The following ATP13A4 variants were observed in gnomAD, a reference collection of about 807,000 sequenced individuals.
ATP13A4 encodes the protein ATPase 13A4.
Under a neutral mutation model 142.5 loss-of-function variants are expected in ATP13A4, and 114 were observed. That is an observed-to-expected ratio of 0.80 (90% CI 0.69 to 0.93). The LOEUF (loss-of-function observed/expected upper bound fraction) is 0.93, where lower values mean the gene tolerates loss of function less well. Among genes scored for constraint, ATP13A4 ranks in the 40% least tolerant of loss-of-function variants. The probability of loss-of-function intolerance (pLI) is 0.00; values close to 1 mark genes in which losing one functional copy is unlikely to be tolerated. For synonymous variants in ATP13A4, 488 were observed against 514.8 expected, an observed-to-expected ratio of 0.95 and a Z score of 0.70; for missense variants, 1,392 against 1,454.0, an observed-to-expected ratio of 0.96 and a Z score of 0.69.
In ATP13A4 at chr3:193,502,742, C is replaced by A. The variant is rs537753451; in HGVS notation, c.235-103G>T. 6.4e-6 allele frequency: 8 copies of A among 1,247,912 alleles called. No individual in the cohort carries two copies. The Admixed American group carries it at 7.0e-5, about 11-fold the overall frequency. 77.3% of individuals were successfully genotyped at this position (1,247,912 alleles called of 1,614,324 possible). A position where few individuals can be genotyped will look rare whatever the true frequency, so the allele number is the denominator to read the frequency against. On this transcript the variant is annotated intron_variant, in intron 2 of 29. Transcript: ENST00000342695. ...TTAATATAATTCTGTAAGTGTTTGG[C>A]GTTAGTGAATATTCTAGACAGAACG...
chr3:193,410,555 T>A (rs546192216), intron 28 of ATP13A4, among the ~76,000 whole-genome samples: 19 of 151,898 alleles, frequency 1.3e-4, no homozygotes, highest in Middle Eastern at 3.4e-3. Context: ...TCTACAAAAA[T>A]TTTTTTTTAA....
intron 23 of ATP13A4, among the ~76,000 whole-genome samples, chr3:193,438,125 C>A (rs1342393492): frequency 6.6e-6 from 1 of 152,062 alleles, no homozygotes; most frequent in African/African-American, 2.4e-5. Context: ...AGCCACTGCG[C>A]CCGGCCAAAG....
intron 25 of ATP13A4, among the ~76,000 whole-genome samples, chr3:193,425,552 T>C (rs976363073): frequency 2.0e-5 from 3 of 151,784 alleles, no homozygotes; most frequent in Non-Finnish European, 4.4e-5. Flanking sequence ...ATCTTGTTGA[T>C]TGCAACAACA....
intron 11 of ATP13A4, among the ~76,000 whole-genome samples, chr3:193,465,592 A>T (rs1718227434): frequency 9.0e-6 from 1 of 110,910 alleles, no homozygotes; most frequent in Non-Finnish European, 1.8e-5. Context: ...ACCAAATAGC[A>T]ATAAAAAACC....
chr3:193,517,393 TTAA>T (rs1721472817), intron 1 of ATP13A4, among the ~76,000 whole-genome samples: 2 of 152,218 alleles, frequency 1.3e-5, no homozygotes, highest in Non-Finnish European at 2.9e-5. Context: ...TGGGGTGCTA[TTAA>T]TAATAACACT....
At chr3:193,589,049 A>C (rs1724716812) in intron 1 of ATP13A4, among the ~76,000 whole-genome samples, 1 of 152,160 alleles carries the variant, frequency 6.6e-6, no homozygotes. Flanking sequence ...CTGAGGCAGG[A>C]GAATCACTTA....
chr3:193,425,967 A>T (rs1715638191), intron 25 of ATP13A4, among the ~76,000 whole-genome samples: 2 of 151,892 alleles, frequency 1.3e-5, no homozygotes, highest in Admixed American at 6.6e-5. Context: ...GTATTGAAAC[A>T]TCACATTGTA....
chr3:193,452,899 A>G (rs1052852103), intron 17 of ATP13A4, among the ~76,000 whole-genome samples: 2 of 151,832 alleles, frequency 1.3e-5, no homozygotes, highest in Non-Finnish European at 2.9e-5. Context: ...ATTCTTTTGA[A>G]TTTTGCAGAA....
At chr3:193,532,546 G>C (rs895689022) in intron 1 of ATP13A4, among the ~76,000 whole-genome samples, 1 of 151,624 alleles carries the variant, frequency 6.6e-6, no homozygotes, top group Non-Finnish European at 1.5e-5. Flanking sequence ...AGTGCTGAAA[G>C]CTGACCAGAG....
chr3:193,579,452 T>C (rs376437396), intron 2 of ATP13A4: 2 of 170,244 alleles, frequency 1.2e-5, no homozygotes, highest in East Asian at 3.2e-4. Context: ...ACCTGTGTTC[T>C]GGAAGCAAAC....
In ATP13A4 at chr3:193,480,890, A is replaced by G. The variant is rs374552518; in HGVS notation, c.808+3046T>C. 6.6e-4 allele frequency among the ~76,000 whole-genome samples: 101 copies of G among 152,326 alleles called. 1 individual carries two copies. Among genetic ancestry groups the G allele is most frequent in the African/African-American group, 2.2e-3 (93 of 41,572 alleles). ...ATGGAACAAGCCCAAATGCCCATCA[A>G]TCTATGAGTGGATAAAGAAAATGTG... On this transcript the variant is annotated intron_variant, in intron 8 of 29. Transcript: ENST00000342695.
chr3:193,449,894 C>T (rs142933480), intron 17 of ATP13A4, among the ~76,000 whole-genome samples: 51 of 152,082 alleles, frequency 3.4e-4, no homozygotes, highest in African/African-American at 1.1e-3. Context: ...CCGAGGTGGA[C>T]GGATCACCTG....
intron 12 of ATP13A4, 98 bp downstream of exon 12, chr3:193,464,842 C>A: frequency 7.6e-7 from 1 of 1,309,282 alleles, no homozygotes; most frequent in Non-Finnish European, 1.1e-6. Flanking sequence ...CAGGCACCCA[C>A]ATTCTATGTC....
intron 20 of ATP13A4, 148 bp downstream of exon 20, chr3:193,441,318 T>C: frequency 1.0e-6 from 1 of 1,000,650 alleles, no homozygotes; most frequent in Admixed American, 2.0e-5. Flanking sequence ...AATAGTATCT[T>C]CTGCAAAAAT....
At chr3:193,462,611 A>C (rs56312820) in intron 13 of ATP13A4, 151 bp downstream of exon 13, 340,850 of 725,786 alleles carry the variant, frequency 0.47, 82,059 homozygotes, top group African/African-American at 0.65. Context: ...TTGAAGAATT[A>C]AAGATGAGAA....
At chr3:193,511,732 A>G (rs527591812) in intron 2 of ATP13A4, among the ~76,000 whole-genome samples, 4 of 152,302 alleles carry the variant, frequency 2.6e-5, no homozygotes, top group African/African-American at 9.6e-5. Flanking sequence ...TAACAAACCT[A>G]AAGTACTAGG....
chr3:193,409,311 C>T (rs563704770), intron 28 of ATP13A4, among the ~76,000 whole-genome samples: 3 of 152,080 alleles, frequency 2.0e-5, no homozygotes, highest in South Asian at 2.1e-4. Flanking sequence ...TTTCCTTGCC[C>T]GCACATTCTA....
chr3:193,448,313 T>A lies in ATP13A4; in HGVS notation c.2045A>T (p.Asp682Val). Reference sequence around the variant, plus strand: ...GATCAGCAGCCCCAGAAATATCAGGTCTGATTCTACCGTCTCCCTGAAAAT... The same window carrying A: ...GATCAGCAGCCCCAGAAATATCAGGACTGATTCTACCGTCTCCCTGAAAAT... ...TTLTRETVESDLIFLGLLILE... is the reference protein window; with the variant it reads ...TTLTRETVESVLIFLGLLILE... The change falls in exon 18 of 30, where the codon GAC becomes GTC. Residue 682 changes from aspartate (D) to valine (V), a missense_variant. Asp to Val is a radical substitution (Grantham distance 152). Transcript: ENST00000342695. 6.2e-7 allele frequency: 1 copy of A among 1,614,116 alleles called. No homozygotes were observed. The highest frequency in any genetic ancestry group is 2.2e-5 in the East Asian group (1 of 44,892).
intron 1 of ATP13A4, among the ~76,000 whole-genome samples, chr3:193,549,641 G>A (rs781219977): frequency 3.9e-5 from 6 of 152,046 alleles, no homozygotes; most frequent in Non-Finnish European, 5.9e-5. Flanking sequence ...ACCAGCCTGG[G>A]CAACATGGTG....
Sources: allele counts gnomAD v4.1 joint callset (sites outside exome capture counted in the v4.1 genomes callset), GRCh38; gene constraint gnomAD v4.1.1; transcripts MANE v1.5; gene names NCBI Gene and HGNC (gene_info 2026-07-23, HGNC 2026-07-21).